PLCH1: variants seen among roughly 807,000 people sequenced by gnomAD.
The protein encoded by PLCH1 is phospholipase C eta 1.
PLCH1 carries 60 observed loss-of-function variants against 126.7 expected under a neutral mutation model. The ratio of observed to expected loss-of-function variants is 0.47; its 90% CI spans 0.38 to 0.59. The LOEUF (loss-of-function observed/expected upper bound fraction) is 0.59, where lower values mean the gene tolerates loss of function less well. Among genes scored for constraint, PLCH1 ranks in the 20% least tolerant of loss-of-function variants. The pLI is 0.00. For synonymous variants in PLCH1, 719 were observed against 734.9 expected (o/e 0.98, Z 0.35); for missense variants, 1,723 against 2,040.0 (o/e 0.84, Z 2.99).
chr3:155,600,380 C>T (rs1733559632), intron 2 of PLCH1, among the ~76,000 whole-genome samples: 2 of 152,316 alleles, frequency 1.3e-5, no homozygotes, highest in Admixed American at 1.3e-4. Context: ...CACCCATGCT[C>T]TATTGGTAGA....
chr3:155,669,807 T>C (rs1743216448), intron 2 of PLCH1, among the ~76,000 whole-genome samples: 1 of 152,232 alleles, frequency 6.6e-6, no homozygotes, highest in Non-Finnish European at 1.5e-5. Flanking sequence ...ATACTGTTCA[T>C]ATTTCAACAA....
intron 2 of PLCH1, among the ~76,000 whole-genome samples, chr3:155,654,089 G>A (rs910475557): frequency 2.0e-5 from 3 of 150,216 alleles, no homozygotes; most frequent in African/African-American, 7.4e-5. Context: ...AAATCCAATG[G>A]TCATTTCTCA....
chr3:155,596,253 T>C lies in PLCH1; in HGVS notation c.205A>G (p.Arg69Gly). The C allele has an allele frequency of 1.2e-6, 2 of 1,613,584 alleles. No individual in the cohort carries two copies. The highest frequency in any genetic ancestry group is 1.7e-6 in the Non-Finnish European group (2 of 1,179,592). The change falls in exon 3 of 23, where the codon AGG becomes GGG. Residue 69 changes from arginine to glycine, a missense_variant. Physicochemically the swap from Arg to Gly is moderately radical, Grantham distance 125. Around this residue, in one of 2 missense-constraint regions of PLCH1, gnomAD observed 776 missense variants for 1,062.9 expected, o/e 0.73. Coordinates refer to ENST00000460012, the MANE Select transcript of PLCH1 (RefSeq NM_014996.4). ...TTACTTTTTGCCTTCTCACTCTTCCTAGAGGGTCGCCATCGGAGGCGTGTC... is the reference window on the plus strand; with the variant it reads ...TTACTTTTTGCCTTCTCACTCTTCCCAGAGGGTCGCCATCGGAGGCGTGTC... ...HRTRLRWRPS[R>G]KSEKAKILID...
intron 2 of PLCH1, among the ~76,000 whole-genome samples, chr3:155,649,473 T>C (rs1323550265): frequency 6.6e-6 from 1 of 152,154 alleles, no homozygotes; most frequent in Non-Finnish European, 1.5e-5. Flanking sequence ...AGTAGCACCA[T>C]GCACAACCTA....
chr3:155,472,534 T>C (rs2107984425), intron 21 of PLCH1, among the ~76,000 whole-genome samples: 1 of 151,662 alleles, frequency 6.6e-6, no homozygotes, highest in Admixed American at 6.6e-5. Context: ...TCTGAAACTA[T>C]TCCAATCAAT....
intron 2 of PLCH1, among the ~76,000 whole-genome samples, chr3:155,701,422 C>G (rs945952291): frequency 6.6e-6 from 1 of 152,170 alleles, no homozygotes; most frequent in Admixed American, 6.5e-5. Flanking sequence ...CCTGGCAACA[C>G]TGCTGAAGTT....
At chr3:155,579,137 G>A (rs775551089) in intron 6 of PLCH1, among the ~76,000 whole-genome samples, 2 of 152,288 alleles carry the variant, frequency 1.3e-5, no homozygotes, top group Non-Finnish European at 2.9e-5. Context: ...AGTCTCCTCT[G>A]TGTTATTAAA....
intron 1 of PLCH1, among the ~76,000 whole-genome samples, chr3:155,723,357 C>T (rs1748091187): frequency 6.6e-6 from 1 of 152,072 alleles, no homozygotes; most frequent in South Asian, 2.1e-4. Context: ...TTTATCTTTT[C>T]AAAGAAACAG....
chr3:155,476,650 A>C (rs1016543985), downstream of PLCH1, among the ~76,000 whole-genome samples: 4 of 152,152 alleles, frequency 2.6e-5, no homozygotes, highest in Non-Finnish European at 4.4e-5. Flanking sequence ...ATATGTCAAC[A>C]GTGAACAATG....
intron 4 of PLCH1, among the ~76,000 whole-genome samples, chr3:155,590,616 G>A (rs145646099): frequency 0.02 from 3,054 of 150,578 alleles, 115 homozygotes; most frequent in African/African-American, 0.071. Flanking sequence ...CTGGCGTGGT[G>A]GCGGGCACCT....
intron 21 of PLCH1, among the ~76,000 whole-genome samples, chr3:155,454,613 A>C (rs1268279974): frequency 1.3e-5 from 2 of 152,252 alleles, no homozygotes; most frequent in Non-Finnish European, 2.9e-5. Flanking sequence ...ATTTATGGTA[A>C]GGTGTATTGA....
intron 22 of PLCH1, among the ~76,000 whole-genome samples, chr3:155,483,592 T>C (rs1054965620): frequency 1.3e-5 from 2 of 152,190 alleles, no homozygotes; most frequent in Non-Finnish European, 2.9e-5. Context: ...AATTGGAAGG[T>C]GCAATAAATG....
At chr3:155,561,346 A>G (rs1434805746) in intron 8 of PLCH1, among the ~76,000 whole-genome samples, 13 of 137,910 alleles carry the variant, frequency 9.4e-5, no homozygotes, top group East Asian at 2.2e-4. Context: ...ATGTGCTCTC[A>G]TTGTTCAATT....
chr3:155,634,191 T>C (rs1738440541), intron 2 of PLCH1, among the ~76,000 whole-genome samples: 3 of 151,990 alleles, frequency 2.0e-5, no homozygotes, highest in Admixed American at 6.5e-5. Context: ...TCAAAACAAC[T>C]CAGAAAATAA....
At chr3:155,588,345 A>G (rs1469178581) in intron 4 of PLCH1, among the ~76,000 whole-genome samples, 1 of 152,096 alleles carries the variant, frequency 6.6e-6, no homozygotes, top group Non-Finnish European at 1.5e-5. Context: ...AAGAACCAAA[A>G]GGGTGAAACA....
chr3:155,740,986 A>G (rs1017613746), intron 1 of PLCH1, among the ~76,000 whole-genome samples: 5 of 152,228 alleles, frequency 3.3e-5, no homozygotes, highest in African/African-American at 1.2e-4. Flanking sequence ...AGAACATTTT[A>G]AACTTAGCTA....
intron 10 of PLCH1, among the ~76,000 whole-genome samples, chr3:155,544,148 C>T (rs1043305572): frequency 6.0e-4 from 92 of 152,196 alleles, no homozygotes; most frequent in African/African-American, 2.1e-3. Flanking sequence ...ACCCATCTCA[C>T]GTGCAGACAC....
intron 1 of PLCH1, among the ~76,000 whole-genome samples, chr3:155,718,877 T>C (rs187429019): frequency 0.023 from 3,386 of 149,880 alleles, 112 homozygotes; most frequent in African/African-American, 0.079. Flanking sequence ...ACTGAGGAAG[T>C]ATATTAAAAT....
At chr3:155,484,633 G>T (rs1024692504) in intron 22 of PLCH1, among the ~76,000 whole-genome samples, 1 of 152,200 alleles carries the variant, frequency 6.6e-6, no homozygotes, top group Non-Finnish European at 1.5e-5. Flanking sequence ...TTTACCCCCA[G>T]ATAGGATGGG....
Sources: gnomAD v4.1 joint callset for allele counts (sites outside exome capture counted in the v4.1 genomes callset) on GRCh38, gnomAD v4.1.1 for gene constraint, gnomAD v4.1.1 regional missense constraint, MANE v1.5 for transcripts, NCBI Gene and HGNC (gene_info 2026-07-23, HGNC 2026-07-21) for gene names.